Variants in MACROD1 observed in about 807,000 individuals in gnomAD.
MACROD1 encodes ADP-ribose glycohydrolase MACROD1.
In MACROD1, 31 loss-of-function variants were observed where a neutral mutation model predicts 41.4. The observed-to-expected ratio is 0.75, with a 90% CI of 0.56 to 1.01. The LOEUF is 1.01. Ranked by LOEUF, MACROD1 falls within the 50% of genes least tolerant of loss-of-function variation. MACROD1 has a pLI of 0.00. For missense variants in MACROD1, 473 were observed against 460.0 expected, an observed-to-expected ratio of 1.03 and a Z score of -0.26; for synonymous variants, 252 against 203.4, an observed-to-expected ratio of 1.24 and a Z score of -2.03.
chr11:64,000,048 G>A (rs1472258779), intron 5 of MACROD1, 179 bp downstream of exon 5: 2 of 634,124 alleles, frequency 3.2e-6, no homozygotes, highest in African/African-American at 3.7e-5. Flanking sequence ...CTCCACGCAC[G>A]GTCTCCCCCA....
chr11:64,078,425 G>C (rs536334070), intron 3 of MACROD1, among the ~76,000 whole-genome samples: 1 of 152,232 alleles, frequency 6.6e-6, no homozygotes, highest in Admixed American at 6.5e-5. Flanking sequence ...CAGCTGCACC[G>C]AAACATGGCC....
rs116400508 is a variant in MACROD1 at position 64,072,758 on chromosome 11, T to C, written c.518-57477A>G. Among the ~76,000 whole-genome samples, 1,187 of 152,354 alleles carry C rather than the reference T, an allele frequency of 7.8e-3. 14 individuals carry two copies. The highest frequency in any genetic ancestry group is 0.025 in the African/African-American group (1,057 of 41,568). On this transcript the variant is annotated intron_variant, in intron 3 of 10. Transcript: ENST00000255681. ...AAATACATTAAGAAGCAACTGCTTT[T>C]GGAATCTGGGGTTGATCTCTGTCTT...
intron 3 of MACROD1, among the ~76,000 whole-genome samples, chr11:64,123,788 G>A (rs1048516617): frequency 6.6e-6 from 1 of 152,138 alleles, no homozygotes; most frequent in Non-Finnish European, 1.5e-5. Flanking sequence ...ACTCCTTGTG[G>A]CCAGTAAAAG....
intron 3 of MACROD1, among the ~76,000 whole-genome samples, chr11:64,038,005 AGGGTCGGG>A (rs1355970418): frequency 6.6e-6 from 1 of 152,120 alleles, no homozygotes; most frequent in African/African-American, 2.4e-5. Flanking sequence ...GGGACTTCAG[AGGGTCGGG>A]GGGTCGGATT....
chr11:64,041,006 C>A (rs185169739), intron 3 of MACROD1, among the ~76,000 whole-genome samples: 82 of 151,828 alleles, frequency 5.4e-4, no homozygotes, highest in Middle Eastern at 3.4e-3. Context: ...AGGCAGTGGC[C>A]GGGCTGGTTG....
Position 64,008,461 on chromosome 11 carries a change from T to A in MACROD1, c.547+6791A>T, listed in dbSNP as rs972686754. Among the ~76,000 whole-genome samples, 17 of 148,496 alleles carry A rather than the reference T, an allele frequency of 1.1e-4. 1 individual carries two copies. In the South Asian group the frequency reaches 1.7e-3, roughly 15 times the overall value. On this transcript the variant is annotated intron_variant, in intron 4 of 10. Transcript: ENST00000255681. ...GGAGTGTTGTCCACCTGGCAGACCTTCACTAAATGCAGCAGTGGAGGGGGT... is the reference window on the plus strand; with the variant it reads ...GGAGTGTTGTCCACCTGGCAGACCTACACTAAATGCAGCAGTGGAGGGGGT...
At chr11:64,005,048 T>TTATTTATTTATTTATTTATTTATC (rs1942888256) in intron 4 of MACROD1, among the ~76,000 whole-genome samples, 1 of 152,126 alleles carries the variant, frequency 6.6e-6, no homozygotes, top group Non-Finnish European at 1.5e-5. Flanking sequence ...ATTTATTTAT[T>TTATTTATTTATTTATTTATTTATC]GAGACAGTTT....
At chr11:64,118,451 T>C in intron 3 of MACROD1, 2 of 818,454 alleles carry the variant, frequency 2.4e-6, no homozygotes, top group Non-Finnish European at 3.6e-6. Context: ...GACGATTTTG[T>C]AGAACACAAC....
chr11:64,165,073 G>A (rs973501112), intron 1 of MACROD1, among the ~76,000 whole-genome samples: 4 of 152,224 alleles, frequency 2.6e-5, no homozygotes, highest in Non-Finnish European at 4.4e-5. Flanking sequence ...GTGGCCAGAG[G>A]CCAGCGAGAA....
intron 3 of MACROD1, among the ~76,000 whole-genome samples, chr11:64,022,976 C>T (rs934158112): frequency 6.6e-6 from 1 of 151,426 alleles, no homozygotes; most frequent in Admixed American, 6.6e-5. Context: ...ATTCTCCTGC[C>T]TCAGCCTCCC....
At chr11:64,063,453 T>C (rs1319928809) in intron 3 of MACROD1, among the ~76,000 whole-genome samples, 1 of 151,848 alleles carries the variant, frequency 6.6e-6, no homozygotes, top group African/African-American at 2.4e-5. Context: ...GGGTGGCGAA[T>C]TGTGCTTTTC....
At chr11:64,026,418 T>C (rs924549474) in intron 3 of MACROD1, among the ~76,000 whole-genome samples, 2 of 152,182 alleles carry the variant, frequency 1.3e-5, no homozygotes, top group East Asian at 1.9e-4. Flanking sequence ...TGCTTGGTTT[T>C]GTCTCATGCA....
intron 3 of MACROD1, among the ~76,000 whole-genome samples, chr11:64,132,549 C>T (rs972963367): frequency 2.2e-4 from 33 of 152,272 alleles, no homozygotes; most frequent in Middle Eastern, 3.4e-3. Context: ...GCAGGCCCTC[C>T]CCAGTCAGCG....
chr11:64,107,826 G>A (rs1944790302), intron 3 of MACROD1, among the ~76,000 whole-genome samples: 1 of 152,098 alleles, frequency 6.6e-6, no homozygotes, highest in Non-Finnish European at 1.5e-5. Flanking sequence ...CAGTCCCTGG[G>A]GCATCTGCCT....
chr11:64,114,759 A>C (rs1439139080), intron 3 of MACROD1, among the ~76,000 whole-genome samples: 2 of 152,188 alleles, frequency 1.3e-5, no homozygotes, highest in Middle Eastern at 3.4e-3. Flanking sequence ...CCATGCATGA[A>C]TTGATGGATG....
In MACROD1 at chr11:64,165,956, C is replaced by A; in HGVS notation, c.39G>T (p.Gln13His). The A allele has an allele frequency of 7.7e-7, 1 of 1,301,404 alleles. No individual in the cohort carries two copies. The highest frequency in any genetic ancestry group is 1.5e-5 in the African/African-American group (1 of 64,878). 80.6% of individuals were successfully genotyped at this position (1,301,404 alleles called of 1,614,324 possible). ...LQSRLSGRLA[Q>H]LRAAGQLLVP... Reference sequence around the variant, plus strand: ...CGAGCAGCTGCCCCGCCGCGCGCAGCTGTGCCAGGCGGCCGGACAGTCGGC... The same window carrying A: ...CGAGCAGCTGCCCCGCCGCGCGCAGATGTGCCAGGCGGCCGGACAGTCGGC... The change falls in exon 1 of 11, where the codon CAG (glutamine) becomes CAT (histidine). Residue 13 changes from glutamine to histidine, a missense_variant. Coordinates refer to ENST00000255681, the MANE Select transcript of MACROD1 (RefSeq NM_014067.4).
chr11:64,083,176 T>G (rs1051302610), intron 3 of MACROD1: 5 of 152,196 alleles, frequency 3.3e-5, no homozygotes, highest in African/African-American at 1.2e-4. Context: ...TGGCTCATGC[T>G]TGTAATCCCG....
chr11:64,104,854 G>A (rs2134570569), intron 3 of MACROD1, among the ~76,000 whole-genome samples: 1 of 152,306 alleles, frequency 6.6e-6, no homozygotes, highest in East Asian at 1.9e-4. Context: ...CCGCTGAGGA[G>A]GGGCTGACTC....
At chr11:64,165,626 GGGGGCCGCCCAGCCGGGAAGCTCCACGT>G in intron 1 of MACROD1, 43 bp downstream of exon 1, 5 of 1,289,566 alleles carry the variant, frequency 3.9e-6, no homozygotes, top group Non-Finnish European at 5.0e-6. Context: ...CTCGCTCGTT[GGGGGCCGCCCAGCCGGGAAGCTCCACGT>G]GAGGCCGCCC....
Sources: allele counts gnomAD v4.1 joint callset (sites outside exome capture counted in the v4.1 genomes callset), GRCh38; gene constraint gnomAD v4.1.1; transcripts MANE v1.5; gene names NCBI Gene and HGNC (gene_info 2026-07-23, HGNC 2026-07-21).